NCOA1: variants seen among roughly 807,000 people sequenced by gnomAD.
NCOA1 encodes nuclear receptor coactivator 1.
In NCOA1, 35 loss-of-function variants were observed where a neutral mutation model predicts 150.9. The observed-to-expected ratio is 0.23, with a 90% CI of 0.18 to 0.31. The LOEUF (loss-of-function observed/expected upper bound fraction) is 0.31, where lower values mean the gene tolerates loss of function less well. Ranked by LOEUF, NCOA1 falls within the 10% of genes least tolerant of loss-of-function variation. The pLI is 1.00. For synonymous variants in NCOA1, 590 were observed against 630.0 expected (o/e 0.94, Z 0.95); for missense variants, 1,491 against 1,749.3 (o/e 0.85, Z 2.63).
At chr2:24,509,190 C>G (rs935540237) in intron 1 of NCOA1, among the ~76,000 whole-genome samples, 2 of 152,166 alleles carry the variant, frequency 1.3e-5, no homozygotes, top group African/African-American at 4.8e-5. Flanking sequence ...ATTGTGTAAT[C>G]TAATCTTTAT....
chr2:24,679,814 A>G lies in NCOA1; in HGVS notation c.355-3137A>G, dbSNP rs542294091. On this transcript the variant is annotated intron_variant, in intron 7 of 22. Transcript: ENST00000348332. ...TTTAAAGATTATTAATCACGTCCCT[A>G]TCTCCTTTGCATTATGGACTAAGTA... Among the ~76,000 whole-genome samples the G allele has an allele frequency of 1.2e-4, 18 of 152,262 alleles. No homozygotes were observed. The South Asian group carries it at 2.3e-3, about 19-fold the overall frequency.
chr2:24,755,900 C>T (rs1290228762), intron 20 of NCOA1, among the ~76,000 whole-genome samples: 3 of 152,036 alleles, frequency 2.0e-5, no homozygotes, highest in Non-Finnish European at 4.4e-5. Context: ...TATCAATTGA[C>T]AAATGAGTAC....
intron 4 of NCOA1, among the ~76,000 whole-genome samples, chr2:24,649,970 T>C (rs180696370): frequency 2.0e-4 from 30 of 152,272 alleles, no homozygotes; most frequent in Admixed American, 2.0e-3. Context: ...CAGGATTCTC[T>C]TTTACAAAAA....
At chr2:24,571,281 A>G (rs1225274269) in intron 2 of NCOA1, among the ~76,000 whole-genome samples, 1 of 152,202 alleles carries the variant, frequency 6.6e-6, no homozygotes, top group African/African-American at 2.4e-5. Context: ...ATTCCATAGG[A>G]AAAAGGTCCA....
intron 4 of NCOA1, among the ~76,000 whole-genome samples, chr2:24,646,475 T>C (rs1300352620): frequency 1.3e-5 from 2 of 152,218 alleles, no homozygotes; most frequent in East Asian, 3.8e-4. Context: ...TTCACAATCA[T>C]AGATTGCATA....
At chr2:24,679,571 T>A (rs1165101734) in intron 7 of NCOA1, among the ~76,000 whole-genome samples, 2 of 152,198 alleles carry the variant, frequency 1.3e-5, no homozygotes, top group African/African-American at 4.8e-5. Flanking sequence ...AGAACATTTT[T>A]AAAGAAGTTT....
At chr2:24,573,274 T>G (rs545331764) in intron 2 of NCOA1, among the ~76,000 whole-genome samples, 1 of 152,174 alleles carries the variant, frequency 6.6e-6, no homozygotes, top group South Asian at 2.1e-4. Flanking sequence ...CTGTGATAGA[T>G]ACTTTATACA....
intron 8 of NCOA1, among the ~76,000 whole-genome samples, 156 bp from the exon 9 acceptor site, chr2:24,691,325 C>G (rs1227683640): frequency 6.6e-6 from 1 of 152,174 alleles, no homozygotes; most frequent in African/African-American, 2.4e-5. Context: ...GATAAGTATT[C>G]TATTGCCTCA....
At chr2:24,762,600 T>A in intron 21 of NCOA1, 87 bp from the exon 22 acceptor site, 2 of 1,152,606 alleles carry the variant, frequency 1.7e-6, no homozygotes, top group Non-Finnish European at 2.6e-6. Context: ...ATTACTTTTC[T>A]GTCAGTGAGA....
intron 1 of NCOA1, among the ~76,000 whole-genome samples, chr2:24,500,039 T>A (rs1663388052): frequency 6.6e-6 from 1 of 152,254 alleles, no homozygotes. Context: ...CCCTGCTGGG[T>A]AGGCTGATAA....
At chr2:24,713,840 G>A (rs1673882745) in intron 14 of NCOA1, among the ~76,000 whole-genome samples, 1 of 152,120 alleles carries the variant, frequency 6.6e-6, no homozygotes, top group South Asian at 2.1e-4. Flanking sequence ...GTGACAGTGG[G>A]GCAGCTAGAA....
chr2:24,589,650 TGTGTGTGTGTGTGTATGAAA>T (rs1312785597), intron 3 of NCOA1, among the ~76,000 whole-genome samples: 41 of 149,326 alleles, frequency 2.7e-4, no homozygotes, highest in African/African-American at 1.0e-3. Flanking sequence ...TGTGTGTGTG[TGTGTGTGTGTGTGTATGAAA>T]GTGTGTGTGT....
chr2:24,598,637 A>C (rs1667980187), intron 3 of NCOA1, among the ~76,000 whole-genome samples: 1 of 152,218 alleles, frequency 6.6e-6, no homozygotes, highest in Non-Finnish European at 1.5e-5. Flanking sequence ...AAACTGGCAA[A>C]GAGCGTTGCA....
At chr2:24,540,560 G>C (rs1665346633) in intron 1 of NCOA1, among the ~76,000 whole-genome samples, 1 of 151,922 alleles carries the variant, frequency 6.6e-6, no homozygotes, top group South Asian at 2.1e-4. Context: ...CCAGGTTCAA[G>C]TGATTCTCCT....
intron 3 of NCOA1, among the ~76,000 whole-genome samples, chr2:24,641,683 A>C (rs184251441): frequency 6.6e-6 from 1 of 152,102 alleles, no homozygotes; most frequent in Non-Finnish European, 1.5e-5. Flanking sequence ...AAATTATTCC[A>C]TTATCTTCTT....
chr2:24,636,306 AAATT>A (rs1372047346), intron 3 of NCOA1, among the ~76,000 whole-genome samples: 7 of 152,140 alleles, frequency 4.6e-5, no homozygotes, highest in Non-Finnish European at 7.4e-5. Flanking sequence ...AGGTTTTATT[AAATT>A]AATTCCAAAG....
chr2:24,746,144 G>C (rs1048393539), intron 19 of NCOA1, among the ~76,000 whole-genome samples: 1 of 152,242 alleles, frequency 6.6e-6, no homozygotes, highest in Non-Finnish European at 1.5e-5. Flanking sequence ...GATGCTTAAT[G>C]AATCTTTGAA....
At chr2:24,641,720 A>ATTT (rs1572530498) in intron 3 of NCOA1, among the ~76,000 whole-genome samples, 2 of 152,250 alleles carry the variant, frequency 1.3e-5, no homozygotes, top group East Asian at 3.9e-4. Flanking sequence ...ATGAGAAACC[A>ATTT]GTTACCATTT....
Position 24,744,019 on chromosome 2 carries a change from G to GC in NCOA1, c.3706+1834dup, listed in dbSNP as rs564580325. Among the ~76,000 whole-genome samples the GC allele has an allele frequency of 2.4e-3, 371 of 152,276 alleles. 1 individual carries two copies. Among genetic ancestry groups the GC allele is most frequent in the South Asian group, 3.9e-3 (19 of 4,820 alleles). ...TTCCTTGACAAAGCCACCTGGAAAG[G>GC]CGGTCCTTCAGTGCCCCGGTTCTCA... On this transcript the variant is annotated intron_variant, in intron 19 of 22. Transcript: ENST00000348332.
Sources: allele counts gnomAD v4.1 joint callset (sites outside exome capture counted in the v4.1 genomes callset), GRCh38; gene constraint gnomAD v4.1.1; transcripts MANE v1.5; gene names NCBI Gene and HGNC (gene_info 2026-07-23, HGNC 2026-07-21).